Variants in BMPR1B observed in about 807,000 individuals in gnomAD.
BMPR1B encodes the protein bone morphogenetic protein receptor type 1B.
Under a neutral mutation model 59.1 loss-of-function variants are expected in BMPR1B, and 12 were observed. That is an observed-to-expected ratio of 0.20 (90% CI 0.13 to 0.33). The LOEUF is 0.33. BMPR1B is among the 10% of genes least tolerant of loss of function. BMPR1B has a pLI of 1.00. For synonymous variants in BMPR1B, 237 were observed against 207.3 expected (o/e 1.14, Z -1.23); for missense variants, 550 against 610.9 (o/e 0.90, Z 1.05).
chr4:94,802,945 G>A (rs76182245), intron 1 of BMPR1B, among the ~76,000 whole-genome samples: 1 of 152,254 alleles, frequency 6.6e-6, no homozygotes, highest in East Asian at 1.9e-4. Flanking sequence ...CAGGACAGAG[G>A]TGTGGAGTGC....
chr4:95,025,844 C>T (rs1724316811), intron 3 of BMPR1B, among the ~76,000 whole-genome samples: 2 of 152,086 alleles, frequency 1.3e-5, no homozygotes, highest in Admixed American at 1.3e-4. Context: ...GATAGTTTAT[C>T]AAGATAAAGA....
intron 2 of BMPR1B, among the ~76,000 whole-genome samples, chr4:94,927,662 C>CT (rs767296587): frequency 6.6e-6 from 1 of 152,098 alleles, no homozygotes; most frequent in Non-Finnish European, 1.5e-5. Context: ...ATGAAGGAAA[C>CT]TGCCATGTTA....
intron 6 of BMPR1B, among the ~76,000 whole-genome samples, chr4:95,118,417 T>G (rs753092322): frequency 1.3e-5 from 2 of 152,192 alleles, no homozygotes; most frequent in Non-Finnish European, 2.9e-5. Context: ...TTCTATTTCT[T>G]ATTGCAATTG....
Position 94,843,719 on chromosome 4 carries a change from G to A in BMPR1B, c.-182-32112G>A, listed in dbSNP as rs538331489. On this transcript the variant is annotated intron_variant, in intron 1 of 12. Coordinates refer to ENST00000515059, the MANE Select transcript of BMPR1B (RefSeq NM_001203.3). The stretch of plus-strand genomic sequence containing the variant: ...AAATACTGCTCTATTCAAAAGAGGT[G>A]TGGTAAATGAATTTTACTTTTATTT... Among the ~76,000 whole-genome samples the A allele has an allele frequency of 2.0e-5, 3 of 150,538 alleles. No individual in the cohort carries two copies. The South Asian group carries it at 6.3e-4, about 32-fold the overall frequency.
intron 2 of BMPR1B, among the ~76,000 whole-genome samples, chr4:94,975,969 C>T (rs1039074687): frequency 5.9e-5 from 9 of 152,158 alleles, no homozygotes; most frequent in African/African-American, 1.2e-4. Flanking sequence ...AACAATTTTA[C>T]GATCTTTTCC....
At position 95,157,270 on chromosome 4, in the gene BMPR1B, C is replaced by T. The variant is rs958170493; in HGVS notation, c.*2597C>T. ...GACCCACTTAGCGATTATAGTTGCT[C>T]AATGAAACAAGAATTTATTTATGCA... On this transcript the variant is annotated 3_prime_UTR_variant, in exon 13 of 13. Coordinates refer to ENST00000515059, the MANE Select transcript of BMPR1B (RefSeq NM_001203.3). 2 of 152,038 alleles carry T rather than the reference C, an allele frequency of 1.3e-5. No homozygotes were observed. Among genetic ancestry groups the T allele is most frequent in the African/African-American group, 4.8e-5 (2 of 41,430 alleles). 9.4% of individuals were successfully genotyped at this position (152,038 alleles called of 1,614,324 possible).
intron 3 of BMPR1B, among the ~76,000 whole-genome samples, chr4:95,004,187 A>AT: frequency 6.6e-6 from 1 of 152,138 alleles, no homozygotes; most frequent in South Asian, 2.1e-4. Context: ...TGAAATTTTA[A>AT]TTTTTGTTAT....
intron 1 of BMPR1B, among the ~76,000 whole-genome samples, chr4:94,778,152 G>A (rs917314547): frequency 2.0e-5 from 3 of 152,084 alleles, no homozygotes; most frequent in Non-Finnish European, 4.4e-5. Flanking sequence ...GTGAAACAAA[G>A]TAATACCAAT....
chr4:94,882,948 TC>T (rs1727031331), intron 2 of BMPR1B, among the ~76,000 whole-genome samples: 1 of 150,330 alleles, frequency 6.7e-6, no homozygotes, highest in Non-Finnish European at 1.5e-5. Context: ...GGTGACCTTT[TC>T]TTTCCTGTGT....
At chr4:95,150,589 A>G (rs144077438) in intron 11 of BMPR1B, among the ~76,000 whole-genome samples, 1 of 152,226 alleles carries the variant, frequency 6.6e-6, no homozygotes. Context: ...AACATCTAAA[A>G]CAAACAGGGC....
intron 2 of BMPR1B, among the ~76,000 whole-genome samples, chr4:94,935,954 ATAATG>A (rs1729279030): frequency 1.3e-5 from 2 of 149,744 alleles, no homozygotes; most frequent in Middle Eastern, 3.5e-3. Context: ...TTGTTAGACT[ATAATG>A]TAAGCCTTGG....
intron 2 of BMPR1B, among the ~76,000 whole-genome samples, chr4:94,926,451 A>G (rs547963713): frequency 7.9e-5 from 12 of 152,040 alleles, no homozygotes; most frequent in Non-Finnish European, 1.5e-4. Flanking sequence ...AGATTTTACA[A>G]TTTTTATTTA....
intron 2 of BMPR1B, among the ~76,000 whole-genome samples, chr4:94,908,061 TAAAAAAAAA>T (rs571793477): frequency 1.3e-4 from 6 of 46,258 alleles, no homozygotes; most frequent in African/African-American, 2.2e-4. Context: ...ACCCTGTCTT[TAAAAAAAAA>T]AAAAAAAAAA....
intron 3 of BMPR1B, among the ~76,000 whole-genome samples, chr4:95,015,728 C>T (rs1269358978): frequency 2.0e-5 from 3 of 150,644 alleles, no homozygotes. Flanking sequence ...GAGTCTCACT[C>T]TGTCACCAGA....
At chr4:94,996,489 C>T (rs981210245) in intron 3 of BMPR1B, 7 of 152,066 alleles carry the variant, frequency 4.6e-5, no homozygotes, top group Non-Finnish European at 7.3e-5. Flanking sequence ...TTAAGTTTAT[C>T]GTAGTGAGTG....
At chr4:94,884,928 T>A (rs1727114124) in intron 2 of BMPR1B, among the ~76,000 whole-genome samples, 1 of 152,206 alleles carries the variant, frequency 6.6e-6, no homozygotes, top group Non-Finnish European at 1.5e-5. Flanking sequence ...TAAGAGGTCT[T>A]GCTTGCTTCT....
At chr4:95,035,294 G>A (rs755943124) in intron 3 of BMPR1B, among the ~76,000 whole-genome samples, 3 of 151,942 alleles carry the variant, frequency 2.0e-5, no homozygotes, top group Non-Finnish European at 4.4e-5. Flanking sequence ...TAGGTCCCAT[G>A]TATTTATCTT....
intron 10 of BMPR1B, 65 bp downstream of exon 10, chr4:95,131,577 G>A (rs1383114823): frequency 2.7e-5 from 42 of 1,554,760 alleles, no homozygotes; most frequent in Admixed American, 1.7e-4. Flanking sequence ...ATTTTGTAGC[G>A]CAGTGCTTCT....
intron 3 of BMPR1B, among the ~76,000 whole-genome samples, chr4:95,054,104 A>G (rs895074233): frequency 2.6e-5 from 4 of 152,212 alleles, no homozygotes; most frequent in African/African-American, 9.6e-5. Context: ...CAAAATGACG[A>G]CTTGAGACAT....
Sources: gnomAD v4.1 joint callset for allele counts (sites outside exome capture counted in the v4.1 genomes callset) on GRCh38, gnomAD v4.1.1 for gene constraint, MANE v1.5 for transcripts, NCBI Gene and HGNC (gene_info 2026-07-23, HGNC 2026-07-21) for gene names.